ETFA: variants seen among roughly 807,000 people sequenced by gnomAD.
The protein encoded by ETFA is electron transfer flavoprotein subunit alpha, mitochondrial.
In ETFA, 22 loss-of-function variants were observed where a neutral mutation model predicts 46.2. The ratio of observed to expected loss-of-function variants is 0.48; its 90% CI spans 0.34 to 0.68. The LOEUF is 0.68. Among genes scored for constraint, ETFA ranks in the 30% least tolerant of loss-of-function variants. The probability of loss-of-function intolerance (pLI) is 0.01; values close to 1 mark genes in which losing one functional copy is unlikely to be tolerated. For synonymous variants in ETFA, 131 were observed against 139.9 expected, an observed-to-expected ratio of 0.94 and a Z score of 0.45; for missense variants, 345 against 401.1, an observed-to-expected ratio of 0.86 and a Z score of 1.19.
chr15:76,274,353 A>G (rs1459601081), intron 9 of ETFA, 59 bp downstream of exon 9: 8 of 1,286,644 alleles, frequency 6.2e-6, no homozygotes, highest in Non-Finnish European at 6.7e-6. Context: ...TGTTCAACAA[A>G]TACATACAGT....
At chr15:76,298,058 TTTGA>T (rs1304195259) in intron 1 of ETFA, among the ~76,000 whole-genome samples, 2 of 138,466 alleles carry the variant, frequency 1.4e-5, no homozygotes, top group African/African-American at 2.5e-5. Flanking sequence ...TTTTTTTTTT[TTTGA>T]GAGAGAGTCT....
intron 11 of ETFA, among the ~76,000 whole-genome samples, chr15:76,216,832 C>T (rs993221613): frequency 1.5e-5 from 2 of 132,860 alleles, no homozygotes; most frequent in African/African-American, 2.9e-5. Context: ...TGCCTAGGTG[C>T]CTTTTGCCTT....
intron 9 of ETFA, among the ~76,000 whole-genome samples, chr15:76,239,098 C>G (rs2141471353): frequency 6.6e-6 from 1 of 152,286 alleles, no homozygotes; most frequent in Non-Finnish European, 1.5e-5. Context: ...CTATGCTGTA[C>G]TTTATACACA....
chr15:76,259,399 G>C, intron 9 of ETFA: 1 of 1,383,490 alleles, frequency 7.2e-7, no homozygotes, highest in Non-Finnish European at 1.0e-6. Flanking sequence ...GAAGGCCTAA[G>C]GAGACCTTGG....
rs148715022 is a variant in ETFA at position 76,252,320 on chromosome 15, G to T, written c.817-20922C>A. Among the ~76,000 whole-genome samples, 587 of 152,258 alleles carry T rather than the reference G, an allele frequency of 3.9e-3. 3 individuals carry two copies. Among genetic ancestry groups the T allele is most frequent in the African/African-American group, 0.013 (555 of 41,550 alleles). Reference sequence around the variant, plus strand: ...TACATTCTACAACTCAGCCTCCAGTGCTGGGATTATAGGCATGAGCCACCT... The same window carrying T: ...TACATTCTACAACTCAGCCTCCAGTTCTGGGATTATAGGCATGAGCCACCT... On this transcript the variant is annotated intron_variant, in intron 9 of 11. Transcript: ENST00000557943.
At chr15:76,219,597 A>C (rs1321377076) in intron 11 of ETFA, among the ~76,000 whole-genome samples, 1 of 152,252 alleles carries the variant, frequency 6.6e-6, no homozygotes, top group Admixed American at 6.5e-5. Context: ...TTTAGTATCC[A>C]GAATATGTAA....
chr15:76,216,693 C>A, intron 11 of ETFA, 96 bp from the exon 12 acceptor site: 1 of 842,280 alleles, frequency 1.2e-6, no homozygotes, highest in Non-Finnish European at 2.1e-6. Context: ...AAAGAAACAA[C>A]ACAAATCACT....
intron 9 of ETFA, among the ~76,000 whole-genome samples, chr15:76,235,978 G>T (rs1042148751): frequency 6.6e-6 from 1 of 152,182 alleles, no homozygotes; most frequent in African/African-American, 2.4e-5. Context: ...GGGATGATTG[G>T]AATGAAATCT....
At chr15:76,274,836 CAA>C in intron 8 of ETFA, among the ~76,000 whole-genome samples, 1 of 152,084 alleles carries the variant, frequency 6.6e-6, no homozygotes, top group Non-Finnish European at 1.5e-5. Context: ...AGATACTGGA[CAA>C]AGAGTTTCAT....
At chr15:76,268,209 C>A (rs1349606726) in intron 9 of ETFA, among the ~76,000 whole-genome samples, 1 of 114,532 alleles carries the variant, frequency 8.7e-6, no homozygotes, top group Non-Finnish European at 1.9e-5. Flanking sequence ...AAAAAAAAGC[C>A]TTTGCTTCTG....
chr15:76,248,366 T>C (rs1290572693), intron 9 of ETFA, among the ~76,000 whole-genome samples: 2 of 152,134 alleles, frequency 1.3e-5, no homozygotes, highest in Non-Finnish European at 2.9e-5. Context: ...CACTTCACAT[T>C]AAACATAAAA....
intron 4 of ETFA, among the ~76,000 whole-genome samples, chr15:76,289,368 A>G (rs1460983709): frequency 1.3e-5 from 2 of 152,234 alleles, no homozygotes; most frequent in East Asian, 1.9e-4. Flanking sequence ...TTGGCTGAAC[A>G]GATTATCTTA....
intron 9 of ETFA, among the ~76,000 whole-genome samples, chr15:76,240,627 A>G (rs1236281630): frequency 6.6e-6 from 1 of 152,220 alleles, no homozygotes; most frequent in African/African-American, 2.4e-5. Context: ...TTTAAATGTA[A>G]ATCAGAAAAA....
chr15:76,301,766 C>A (rs1413534421), intron 1 of ETFA, among the ~76,000 whole-genome samples: 2 of 151,166 alleles, frequency 1.3e-5, no homozygotes, highest in Non-Finnish European at 2.9e-5. Flanking sequence ...GAACACAAGC[C>A]ATAGACTGGG....
At chr15:76,288,415 T>TA (rs543770279) in intron 4 of ETFA, among the ~76,000 whole-genome samples, 128 of 151,818 alleles carry the variant, frequency 8.4e-4, no homozygotes, top group East Asian at 2.9e-3. Context: ...TGATATTGTA[T>TA]AAAAAAAAGA....
chr15:76,241,671 G>C (rs971566398), intron 9 of ETFA, among the ~76,000 whole-genome samples: 1 of 149,328 alleles, frequency 6.7e-6, no homozygotes. Flanking sequence ...ATGGGGGGCG[G>C]GCCCCTGTAA....
At chr15:76,242,179 G>A (rs2039199089) in intron 9 of ETFA, among the ~76,000 whole-genome samples, 1 of 152,130 alleles carries the variant, frequency 6.6e-6, no homozygotes, top group Non-Finnish European at 1.5e-5. Context: ...ATTGATCCAA[G>A]TCAAAACATG....
At chr15:76,286,551 G>C (rs2039706684) in intron 5 of ETFA, 70 bp from the exon 6 acceptor site, 1 of 907,024 alleles carries the variant, frequency 1.1e-6, no homozygotes, top group Non-Finnish European at 1.8e-6. Flanking sequence ...TTTGATGCTT[G>C]GAATTTACTT....
chr15:76,217,674 G>GGGGCT (rs747119284), intron 11 of ETFA: 2 of 450,272 alleles, frequency 4.4e-6, no homozygotes, highest in Non-Finnish European at 9.0e-6. Context: ...GCTGTCCAAG[G>GGGGCT]GGGCTGCAGG....
Sources: allele counts gnomAD v4.1 joint callset (sites outside exome capture counted in the v4.1 genomes callset), GRCh38; gene constraint gnomAD v4.1.1; transcripts MANE v1.5; gene names NCBI Gene and HGNC (gene_info 2026-07-23, HGNC 2026-07-21).